A1CF: variants seen among roughly 807,000 people sequenced by gnomAD.
A1CF encodes APOBEC-1 stimulating protein.
In A1CF, 48 loss-of-function variants were observed where a neutral mutation model predicts 68.9. That is an observed-to-expected ratio of 0.70 (90% confidence interval 0.55 to 0.89). The LOEUF (loss-of-function observed/expected upper bound fraction) is 0.89. Among genes scored for constraint, A1CF ranks in the 40% least tolerant of loss-of-function variants. A1CF has a pLI of 0.00. For missense variants in A1CF, 653 were observed against 718.9 expected (o/e 0.91, Z 1.05); for synonymous variants, 272 against 260.4 (o/e 1.04, Z -0.43).
intron 6 of A1CF, among the ~76,000 whole-genome samples, chr10:50,833,695 G>A (rs1588994983): frequency 6.6e-6 from 1 of 152,190 alleles, no homozygotes; most frequent in African/African-American, 2.4e-5. Flanking sequence ...GAATTCCTTT[G>A]TTGTGGGTGA....
intron 9 of A1CF, 99 bp downstream of exon 9, chr10:50,815,907 T>G: frequency 7.2e-7 from 1 of 1,380,522 alleles, no homozygotes; most frequent in Non-Finnish European, 9.9e-7. Flanking sequence ...TTTTCAGTGC[T>G]TTTCTCCAAG....
intron 1 of A1CF, among the ~76,000 whole-genome samples, chr10:50,881,908 G>A (rs964101911): frequency 6.6e-6 from 1 of 152,140 alleles, no homozygotes; most frequent in Non-Finnish European, 1.5e-5. Flanking sequence ...TGTTCTCCAT[G>A]TGATTGTTAA....
chr10:50,860,019 A>C, intron 2 of A1CF, 34 bp from the exon 3 acceptor site: 1 of 1,141,454 alleles, frequency 8.8e-7, no homozygotes, highest in Admixed American at 1.8e-5. Context: ...TAAGTAAATT[A>C]CTGTTGTCAA....
chr10:50,856,571 AGTC>A (rs1221604802), intron 3 of A1CF, among the ~76,000 whole-genome samples: 1 of 152,128 alleles, frequency 6.6e-6, no homozygotes, highest in African/African-American at 2.4e-5. Flanking sequence ...CAATCTTAAA[AGTC>A]ACATTATAAC....
At chr10:50,827,583 G>A (rs1269622116) in intron 7 of A1CF, among the ~76,000 whole-genome samples, 14 of 151,882 alleles carry the variant, frequency 9.2e-5, no homozygotes, top group African/African-American at 3.4e-4. Context: ...CTTTGAAACC[G>A]ATGAGAACAA....
chr10:50,860,957 C>T (rs1840717661), intron 2 of A1CF, among the ~76,000 whole-genome samples: 1 of 152,170 alleles, frequency 6.6e-6, no homozygotes, highest in Non-Finnish European at 1.5e-5. Context: ...GCTTAATGTG[C>T]TCTGCCAACC....
intron 7 of A1CF, among the ~76,000 whole-genome samples, chr10:50,825,153 C>G (rs1278812422): frequency 1.3e-5 from 2 of 152,264 alleles, no homozygotes; most frequent in East Asian, 3.9e-4. Context: ...TCTGAAGTAG[C>G]ACCCAGAGTT....
chr10:50,822,169 C>T (rs2132363472), intron 7 of A1CF, among the ~76,000 whole-genome samples: 1 of 152,116 alleles, frequency 6.6e-6, no homozygotes. Flanking sequence ...AACATGATGG[C>T]AACATATAAA....
At position 50,818,570 on chromosome 10, in the gene A1CF, T is replaced by G. The variant is rs1771144779; in HGVS notation, c.867+1982A>C. On this transcript the variant is annotated intron_variant, in intron 8 of 12. Transcript: ENST00000373997. ...GGCTGTTCCTTCCCAGCAATCATCA[T>G]GTATACTCAGGAATGTTTCCATATA... is the stretch of plus-strand genomic sequence containing the variant. Among the ~76,000 whole-genome samples the G allele has an allele frequency of 2.6e-5, 4 of 152,172 alleles. No individual in the cohort carries two copies. In the South Asian group the frequency reaches 8.3e-4, roughly 32 times the overall value.
At chr10:50,816,475 A>T in intron 8 of A1CF, 196 bp from the exon 9 acceptor site, 1 of 595,840 alleles carries the variant, frequency 1.7e-6, no homozygotes, top group South Asian at 2.2e-5. Flanking sequence ...AAGTTGCATA[A>T]GATGCCAACA....
chr10:50,838,021 T>G (rs541852903), intron 5 of A1CF, among the ~76,000 whole-genome samples: 1 of 152,312 alleles, frequency 6.6e-6, no homozygotes, highest in African/African-American at 2.4e-5. Context: ...TACTTTATGC[T>G]TTTTGATGTT....
chr10:50,838,092 G>A (rs1332113905), intron 5 of A1CF, among the ~76,000 whole-genome samples: 4 of 152,148 alleles, frequency 2.6e-5, no homozygotes, highest in African/African-American at 9.7e-5. Flanking sequence ...ATTAAAAATG[G>A]GTGAAGTATG....
At chr10:50,873,103 G>A (rs2081998725) in intron 1 of A1CF, among the ~76,000 whole-genome samples, 1 of 151,468 alleles carries the variant, frequency 6.6e-6, no homozygotes, top group South Asian at 2.1e-4. Flanking sequence ...TTACAGATGT[G>A]TGCCACTATG....
chr10:50,875,490 A>G (rs1841469305), intron 1 of A1CF, among the ~76,000 whole-genome samples: 1 of 152,240 alleles, frequency 6.6e-6, no homozygotes, highest in South Asian at 2.1e-4. Flanking sequence ...AAAGGAGCAG[A>G]TGTAGGAGAG....
At chr10:50,850,198 A>G (rs773403264) in intron 3 of A1CF, among the ~76,000 whole-genome samples, 27 of 152,200 alleles carry the variant, frequency 1.8e-4, no homozygotes, top group Non-Finnish European at 3.2e-4. Flanking sequence ...GTAAATTATG[A>G]GTCACCTTCC....
Position 50,805,298 on chromosome 10 carries a change from C to A in A1CF, c.*1431G>T, listed in dbSNP as rs779511900. 2.6e-5 allele frequency: 4 copies of A among 152,132 alleles called. No homozygotes were observed. The highest frequency in any genetic ancestry group is 5.9e-5 in the Non-Finnish European group (4 of 68,030). 9.4% of individuals were successfully genotyped at this position (152,132 alleles called of 1,614,324 possible). A position where few individuals can be genotyped will look rare whatever the true frequency, so the allele number is the denominator to read the frequency against. On this transcript the variant is annotated 3_prime_UTR_variant, in exon 13 of 13. Transcript: ENST00000373997. The stretch of plus-strand genomic sequence containing the variant: ...GAAAATTCTAGTACTGTGTCTTAAA[C>A]CACTAATGAGATTGATGTAGGAGTA...
At chr10:50,869,247 T>C (rs1841140274) in intron 1 of A1CF, among the ~76,000 whole-genome samples, 1 of 152,156 alleles carries the variant, frequency 6.6e-6, no homozygotes, top group African/African-American at 2.4e-5. Context: ...TGAAGGTTCT[T>C]TTAAGCATGG....
rs1289580607 is a variant in A1CF, at chr10:50,801,077, C to T, written c.*5652G>A. The T allele has an allele frequency of 6.6e-6, 1 of 152,342 alleles. No homozygotes were observed. The highest frequency in any genetic ancestry group is 1.5e-5 in the Non-Finnish European group (1 of 68,190). The allele number at this position is 152,342 out of a possible 1,614,324, so 9.4% of individuals were successfully genotyped here. A position where few individuals can be genotyped will look rare whatever the true frequency, so the allele number is the denominator to read the frequency against. ...AGAGCTATCTTTTGTCTTGCCCCAC[C>T]ACCTAACCTGGCATAATAATGACTA... On this transcript the variant is annotated 3_prime_UTR_variant, in exon 13 of 13. Transcript: ENST00000373997.
intron 7 of A1CF, among the ~76,000 whole-genome samples, chr10:50,824,920 C>G (rs1838846560): frequency 6.6e-6 from 1 of 152,200 alleles, no homozygotes; most frequent in Non-Finnish European, 1.5e-5. Context: ...AAAGTGCCCA[C>G]TGCAATGCTT....
Sources: allele counts gnomAD v4.1 joint callset (sites outside exome capture counted in the v4.1 genomes callset), GRCh38; gene constraint gnomAD v4.1.1; transcripts MANE v1.5; gene names NCBI Gene and HGNC (gene_info 2026-07-23, HGNC 2026-07-21).